UGT1A6: variants seen among roughly 807,000 people sequenced by gnomAD.
The protein encoded by UGT1A6 is UDP-glucuronosyltransferase 1A6.
UGT1A6 carries 32 observed loss-of-function variants against 44.4 expected under a neutral mutation model. That is an observed-to-expected ratio of 0.72 (90% confidence interval 0.54 to 0.97). The LOEUF is 0.97. Ranked by LOEUF, UGT1A6 falls within the 50% of genes least tolerant of loss-of-function variation. The pLI is 0.00. For missense variants in UGT1A6, 685 were observed against 661.9 expected (o/e 1.03, Z -0.38); for synonymous variants, 238 against 248.5 (o/e 0.96, Z 0.40).
At chr2:233,747,365 C>T (rs954513567) in intron 1 of UGT1A6, 1 of 1,604,254 alleles carries the variant, frequency 6.2e-7, no homozygotes, top group Non-Finnish European at 8.5e-7. Context: ...TGCGGGAGCT[C>T]CATGCCAGAG....
intron 1 of UGT1A6, among the ~76,000 whole-genome samples, chr2:233,715,914 T>C (rs554442850): frequency 1.6e-4 from 24 of 152,214 alleles, no homozygotes; most frequent in Non-Finnish European, 3.1e-4. Context: ...GGGAGGATCA[T>C]TGAGCTCAGG....
chr2:233,713,909 A>T (rs1191711784), intron 1 of UGT1A6: 23 of 1,612,758 alleles, frequency 1.4e-5, no homozygotes, highest in South Asian at 2.2e-5. Context: ...AACACTTTTT[A>T]AAAAATGTAT....
At chr2:233,729,375 G>A (rs148006660) in intron 1 of UGT1A6, 162 of 1,614,004 alleles carry the variant, frequency 1.0e-4, no homozygotes, top group African/African-American at 2.0e-4. Flanking sequence ...ATGCCATTTC[G>A]TGGACCCAGG....
At chr2:233,735,547 G>A (rs571609142) in intron 1 of UGT1A6, among the ~76,000 whole-genome samples, 2 of 152,250 alleles carry the variant, frequency 1.3e-5, no homozygotes, top group South Asian at 4.1e-4. Flanking sequence ...ATTTGATCCT[G>A]TCATTATGGT....
chr2:233,759,815 C>T (rs1383098545), intron 1 of UGT1A6, among the ~76,000 whole-genome samples: 3 of 152,074 alleles, frequency 2.0e-5, no homozygotes, highest in Non-Finnish European at 4.4e-5. Flanking sequence ...CAGGCAGTAC[C>T]GGGGGAGCTG....
intron 1 of UGT1A6, chr2:233,743,075 T>C (rs1282774388): frequency 2.9e-6 from 1 of 344,366 alleles, no homozygotes; most frequent in Non-Finnish European, 5.7e-6. Context: ...GGTGTTGGCA[T>C]GAAGTGTTTA....
chr2:233,748,554 C>G (rs1045487950), intron 1 of UGT1A6, among the ~76,000 whole-genome samples: 1 of 151,692 alleles, frequency 6.6e-6, no homozygotes, highest in African/African-American at 2.4e-5. Context: ...CCTAAGCACT[C>G]GCAGGAAGTA....
chr2:233,772,111 T>C (rs1459691465), intron 4 of UGT1A6, 151 bp from the exon 5 acceptor site: 1 of 1,527,060 alleles, frequency 6.5e-7, no homozygotes, highest in East Asian at 2.5e-5. Context: ...AGACTCTGTA[T>C]CTAAAAACAA....
intron 1 of UGT1A6, among the ~76,000 whole-genome samples, chr2:233,730,802 A>T (rs1344398093): frequency 1.3e-5 from 2 of 152,196 alleles, no homozygotes; most frequent in Non-Finnish European, 2.9e-5. Flanking sequence ...ATGAATGGAC[A>T]TGCGTCCAAG....
At chr2:233,761,243 G>A (rs1268898166) in intron 1 of UGT1A6, 4 of 1,611,300 alleles carry the variant, frequency 2.5e-6, no homozygotes, top group Non-Finnish European at 3.4e-6. Flanking sequence ...TGCTGAGCAA[G>A]CATTCTGAGA....
intron 1 of UGT1A6, among the ~76,000 whole-genome samples, chr2:233,737,681 C>T (rs2125810058): frequency 6.6e-6 from 1 of 152,268 alleles, no homozygotes; most frequent in South Asian, 2.1e-4. Context: ...TCCTATTTGG[C>T]CATTGGTGCT....
intron 1 of UGT1A6, among the ~76,000 whole-genome samples, chr2:233,737,749 T>C (rs1235645192): frequency 6.6e-6 from 1 of 152,308 alleles, no homozygotes; most frequent in South Asian, 2.1e-4. Context: ...CTTCCAGTTT[T>C]TCAATGTGAA....
chr2:233,714,538 C>T (rs945612338), intron 1 of UGT1A6, among the ~76,000 whole-genome samples: 18 of 152,120 alleles, frequency 1.2e-4, no homozygotes, highest in Non-Finnish European at 2.2e-4. Flanking sequence ...GGTCTAATAC[C>T]GAAGTGTCCA....
At chr2:233,728,575 A>G (rs1420675714) in intron 1 of UGT1A6, among the ~76,000 whole-genome samples, 5 of 152,224 alleles carry the variant, frequency 3.3e-5, no homozygotes, top group Non-Finnish European at 7.3e-5. Context: ...TCCTGGTGCG[A>G]AAAACGACCA....
intron 1 of UGT1A6, among the ~76,000 whole-genome samples, chr2:233,704,354 C>T (rs11683974): frequency 0.019 from 2,858 of 147,810 alleles, 31 homozygotes; most frequent in Non-Finnish European, 0.03. Flanking sequence ...GTGTTCTGAG[C>T]GGTTGTTCTA....
intron 1 of UGT1A6, chr2:233,747,201 G>A: frequency 3.7e-6 from 6 of 1,604,878 alleles, no homozygotes; most frequent in Non-Finnish European, 4.3e-6. Flanking sequence ...AGCTGTCCGT[G>A]TCTTCTGCTG....
At chr2:233,736,896 C>A (rs1212789655) in intron 1 of UGT1A6, among the ~76,000 whole-genome samples, 1 of 152,186 alleles carries the variant, frequency 6.6e-6, no homozygotes, top group African/African-American at 2.4e-5. Context: ...GCTGCCTGAT[C>A]CTTCCTCTGG....
At chr2:233,719,408 G>A (rs762624701) in intron 1 of UGT1A6, 11 of 1,613,826 alleles carry the variant, frequency 6.8e-6, no homozygotes, top group African/African-American at 5.3e-5. Flanking sequence ...ATATTCCTAA[G>A]TTACTAACGA....
At chr2:233,719,278 C>T (rs769049134) in intron 1 of UGT1A6, 1 of 1,614,106 alleles carries the variant, frequency 6.2e-7, no homozygotes, top group South Asian at 1.1e-5. Context: ...TTAACAGACC[C>T]CGTTAACCTC....
Sources: gnomAD v4.1 joint callset for allele counts (sites outside exome capture counted in the v4.1 genomes callset) on GRCh38, gnomAD v4.1.1 for gene constraint, MANE v1.5 for transcripts, NCBI Gene and HGNC (gene_info 2026-07-23, HGNC 2026-07-21) for gene names.